Variants in CDK8 observed in about 807,000 individuals in gnomAD.
CDK8 encodes cyclin-dependent kinase 8.
CDK8 carries 29 observed loss-of-function variants against 71.5 expected under a neutral mutation model. The ratio of observed to expected loss-of-function variants is 0.41; its 90% confidence interval spans 0.30 to 0.55. The LOEUF is 0.55. Among genes scored for constraint, CDK8 ranks in the 20% least tolerant of loss-of-function variants. CDK8 has a pLI of 0.37. For missense variants in CDK8, 288 were observed against 572.6 expected, an observed-to-expected ratio of 0.50 and a Z score of 5.07; for synonymous variants, 161 against 192.1, an observed-to-expected ratio of 0.84 and a Z score of 1.34.
At chr13:26,367,779 C>T (rs933956114) in intron 4 of CDK8, among the ~76,000 whole-genome samples, 7 of 152,110 alleles carry the variant, frequency 4.6e-5, no homozygotes, top group African/African-American at 1.7e-4. Context: ...TTAGCTCTTC[C>T]TTCAAAACAT....
intron 9 of CDK8, 103 bp from the exon 10 acceptor site, chr13:26,400,350 A>G: frequency 1.4e-6 from 1 of 715,580 alleles, no homozygotes; most frequent in East Asian, 2.6e-5. Flanking sequence ...TATTTTCCAA[A>G]TTGTGATGTT....
chr13:26,286,892 A>G (rs1873049027), intron 1 of CDK8, among the ~76,000 whole-genome samples: 1 of 152,244 alleles, frequency 6.6e-6, no homozygotes, highest in African/African-American at 2.4e-5. Context: ...CAACAGACAT[A>G]TGAAAAAATG....
Position 26,353,885 on chromosome 13 carries a change from G to A in CDK8, c.456+5G>A, listed in dbSNP as rs1197936212. The A allele has an allele frequency of 1.9e-6, 3 of 1,612,646 alleles. No homozygotes were observed. Among genetic ancestry groups the A allele is most frequent in the Non-Finnish European group, 1.7e-6 (2 of 1,178,856 alleles). On this transcript the variant is annotated splice_donor_5th_base_variant and intron_variant, in intron 4 of 12. Transcript: ENST00000381527. The stretch of plus-strand genomic sequence containing the variant: ...TGGGTGTTGCACAGAGATTTGGTAA[G>A]TTGACCTGTAATTGGTTTAAACTAG...
intron 1 of CDK8, among the ~76,000 whole-genome samples, chr13:26,255,746 A>AC (rs1871496194): frequency 6.6e-6 from 1 of 152,212 alleles, no homozygotes; most frequent in African/African-American, 2.4e-5. Flanking sequence ...CTTATTATAT[A>AC]ATCCTTGGAT....
At chr13:26,347,750 C>T (rs1873520228) in intron 2 of CDK8, among the ~76,000 whole-genome samples, 1 of 152,100 alleles carries the variant, frequency 6.6e-6, no homozygotes, top group South Asian at 2.1e-4. Context: ...ACTTCATACT[C>T]ATTAGGATAT....
At chr13:26,340,015 C>T (rs1178833296) in intron 2 of CDK8, among the ~76,000 whole-genome samples, 1 of 151,796 alleles carries the variant, frequency 6.6e-6, no homozygotes, top group East Asian at 1.9e-4. Context: ...TTTCCGCTTT[C>T]ACTGTTCAGT....
intron 7 of CDK8, among the ~76,000 whole-genome samples, chr13:26,395,421 TG>T (rs1875940535): frequency 6.7e-6 from 1 of 148,722 alleles, no homozygotes; most frequent in East Asian, 2.0e-4. Flanking sequence ...AGGCAGAGGT[TG>T]GGGTGAGCCG....
rs1871431848 is a variant in CDK8, at chr13:26,254,607, C to CT, written c.-35_-34insT. On this transcript the variant is annotated 5_prime_UTR_variant, in exon 1 of 13. Coordinates refer to ENST00000381527, the MANE Select transcript of CDK8 (RefSeq NM_001260.3). The surrounding 1 kb of genome is among the most constrained non-coding windows in gnomAD (Gnocchi z 6.7). Reference sequence around the variant, plus strand: ...GGTCCCCACCCCTGCCCCCCGGCCCCCCGACCCAGCTCTCCGGCCTCAGAG... The same window carrying CT: ...GGTCCCCACCCCTGCCCCCCGGCCCCTCCGACCCAGCTCTCCGGCCTCAGAG... 1.3e-6 allele frequency: 2 copies of CT among 1,546,794 alleles called. No individual in the cohort carries two copies.
chr13:26,400,262 A>G, intron 9 of CDK8, 191 bp from the exon 10 acceptor site: 2 of 539,438 alleles, frequency 3.7e-6, no homozygotes, highest in East Asian at 6.2e-5. Context: ...TGAGATTATG[A>G]AACTGGAATG....
intron 1 of CDK8, among the ~76,000 whole-genome samples, chr13:26,267,708 A>G (rs1321535912): frequency 6.6e-6 from 1 of 152,208 alleles, no homozygotes. Context: ...ATACTGGTCC[A>G]GTGCAAGGAC....
At chr13:26,367,739 G>C (rs1269224572) in intron 4 of CDK8, among the ~76,000 whole-genome samples, 1 of 152,112 alleles carries the variant, frequency 6.6e-6, no homozygotes, top group Non-Finnish European at 1.5e-5. Flanking sequence ...CCTATAAATA[G>C]CTTACTGAAT....
chr13:26,338,373 T>A (rs894441595), intron 2 of CDK8, among the ~76,000 whole-genome samples: 1 of 152,098 alleles, frequency 6.6e-6, no homozygotes, highest in African/African-American at 2.4e-5. Context: ...TGTTAAACAA[T>A]TTTGCAAGTT....
intron 5 of CDK8, 21 bp from the exon 6 acceptor site, chr13:26,385,178 ACTTAGCATGATT>A (rs1248505702): frequency 1.3e-6 from 2 of 1,545,484 alleles, no homozygotes; most frequent in Non-Finnish European, 1.8e-6. Flanking sequence ...AAAATCATTT[ACTTAGCATGATT>A]TTTTTTTTAT....
rs187495450 is a variant in CDK8, at chr13:26,374,155, C to A, written c.457-8659C>A. Among the ~76,000 whole-genome samples, 440 of 151,708 alleles carry A rather than the reference C, an allele frequency of 2.9e-3. 3 individuals carry two copies. Among genetic ancestry groups the A allele is most frequent in the Non-Finnish European group, 5.0e-3 (343 of 67,958 alleles). ...GGCGGAGCTTGCAGTGATCGGAGAT[C>A]ACGCGACTGCACTCCAGCCTGGACA... On this transcript the variant is annotated intron_variant, in intron 4 of 12. Coordinates refer to ENST00000381527, the MANE Select transcript of CDK8 (RefSeq NM_001260.3).
In CDK8 at chr13:26,401,629, T is replaced by G; in HGVS notation, c.1269+5T>G. 6.2e-7 allele frequency: 1 copy of G among 1,613,956 alleles called. No individual in the cohort carries two copies. The highest frequency in any genetic ancestry group is 8.5e-7 in the Non-Finnish European group (1 of 1,179,838). On this transcript the variant is annotated splice_donor_5th_base_variant and intron_variant, in intron 12 of 12. Transcript: ENST00000381527. The surrounding 1 kb of genome is among the most constrained non-coding windows in gnomAD (Gnocchi z 4.5). The stretch of plus-strand genomic sequence containing the variant: ...ATCATGACCTCAGACTATCAGGTAT[T>G]CCAAGTTTATTTTGTATTGACTGCA...
At chr13:26,367,505 CCTGT>C (rs976118837) in intron 4 of CDK8, among the ~76,000 whole-genome samples, 19 of 152,188 alleles carry the variant, frequency 1.2e-4, no homozygotes, top group African/African-American at 4.3e-4. Flanking sequence ...GAAGCATTAA[CCTGT>C]CTGTCACTTT....
chr13:26,302,170 A>G lies in CDK8; in HGVS notation c.129-35397A>G, dbSNP rs116430113. Reference sequence around the variant, plus strand: ...AAGGACTATGCTATTTAAAGTACCCATAAAACACCCCAATAGAATTCTGCA... The same window carrying G: ...AAGGACTATGCTATTTAAAGTACCCGTAAAACACCCCAATAGAATTCTGCA... On this transcript the variant is annotated intron_variant, in intron 1 of 12. Transcript: ENST00000381527. Among the ~76,000 whole-genome samples, 713 of 152,366 alleles carry G rather than the reference A, an allele frequency of 4.7e-3. 6 individuals carry two copies. Among genetic ancestry groups the G allele is most frequent in the African/African-American group, 0.016 (660 of 41,588 alleles).
intron 4 of CDK8, chr13:26,359,684 C>T (rs117678030): frequency 2.5e-6 from 1 of 407,330 alleles, no homozygotes. Flanking sequence ...TAGACAACTT[C>T]ACTAACTGCA....
chr13:26,296,775 C>T (rs1873580333), intron 1 of CDK8, among the ~76,000 whole-genome samples: 1 of 152,142 alleles, frequency 6.6e-6, no homozygotes, highest in Non-Finnish European at 1.5e-5. Flanking sequence ...AGCTCTAAAG[C>T]ACAAGAGCAT....
Sources: gnomAD v4.1 joint callset for allele counts (sites outside exome capture counted in the v4.1 genomes callset) on GRCh38, gnomAD v4.1.1 for gene constraint, Gnocchi (gnomAD v3.1) non-coding constraint, MANE v1.5 for transcripts, NCBI Gene and HGNC (gene_info 2026-07-23, HGNC 2026-07-21) for gene names.